GULP1: variants seen among roughly 807,000 people sequenced by gnomAD.
GULP1 encodes the protein GULP PTB domain containing engulfment adaptor 1.
In GULP1, 19 loss-of-function variants were observed where a neutral mutation model predicts 40.9. The ratio of observed to expected loss-of-function variants is 0.46; its 90% CI spans 0.32 to 0.68. The LOEUF (loss-of-function observed/expected upper bound fraction) is 0.68. Among genes scored for constraint, GULP1 ranks in the 30% least tolerant of loss-of-function variants. The pLI is 0.03. For missense variants in GULP1, 312 were observed against 362.2 expected (o/e 0.86, Z 1.12); for synonymous variants, 119 against 117.6 (o/e 1.01, Z -0.08).
chr2:188,420,643 C>G (rs1198518414), intron 2 of GULP1, among the ~76,000 whole-genome samples: 1 of 152,116 alleles, frequency 6.6e-6, no homozygotes, highest in Non-Finnish European at 1.5e-5. Flanking sequence ...CTCTTGACAG[C>G]AAGAGGGGAC....
intron 5 of GULP1, among the ~76,000 whole-genome samples, chr2:188,528,528 T>G (rs1359712479): frequency 6.6e-6 from 1 of 152,176 alleles, no homozygotes; most frequent in Non-Finnish European, 1.5e-5. Context: ...GCTTTCAAGA[T>G]ACTCACTATA....
rs10627846 is a variant in GULP1, at chr2:188,347,614, A to ATTTT, written c.-171-36135_-171-36132dup. ...TTCTAGTCAGTGACTATCTCAAAGCATTTTTTTTTTTTTTTTTGAGACAGG... is the reference window on the plus strand; with the variant it reads ...TTCTAGTCAGTGACTATCTCAAAGCATTTTTTTTTTTTTTTTTTTTTGAGACAGG... On this transcript the variant is annotated intron_variant, in intron 1 of 11. Coordinates refer to ENST00000409830, the MANE Select transcript of GULP1 (RefSeq NM_016315.4). Among the ~76,000 whole-genome samples the ATTTT allele has an allele frequency of 5.2e-4, 71 of 135,286 alleles. 1 individual carries two copies. The highest frequency in any genetic ancestry group is 6.2e-4 in the Non-Finnish European group (40 of 64,364). The allele number at this position is 135,286 out of a possible 152,430, so 88.8% of individuals were successfully genotyped here. A position where few individuals can be genotyped will look rare whatever the true frequency, so the allele number is the denominator to read the frequency against.
intron 2 of GULP1, among the ~76,000 whole-genome samples, chr2:188,402,839 G>T (rs1273047593): frequency 6.6e-6 from 1 of 151,944 alleles, no homozygotes. Flanking sequence ...ATATTACATT[G>T]TATATGTCAG....
intron 4 of GULP1, among the ~76,000 whole-genome samples, chr2:188,521,042 A>T (rs998705720): frequency 6.6e-6 from 1 of 152,052 alleles, no homozygotes; most frequent in Admixed American, 6.5e-5. Context: ...TTTTTGATGT[A>T]GTTTACAAAC....
chr2:188,567,779 A>G (rs1698105034), intron 7 of GULP1, among the ~76,000 whole-genome samples: 1 of 152,234 alleles, frequency 6.6e-6, no homozygotes, highest in Non-Finnish European at 1.5e-5. Flanking sequence ...TTTAAAAAGA[A>G]GAAGAAAAAC....
At chr2:188,346,697 A>G (rs1429244226) in intron 1 of GULP1, among the ~76,000 whole-genome samples, 4 of 152,002 alleles carry the variant, frequency 2.6e-5, no homozygotes, top group East Asian at 2.0e-4. Flanking sequence ...TTGATAAATC[A>G]TAGTATAAAA....
At chr2:188,505,687 G>A (rs2063837444) in intron 4 of GULP1, among the ~76,000 whole-genome samples, 1 of 151,804 alleles carries the variant, frequency 6.6e-6, no homozygotes, top group Non-Finnish European at 1.5e-5. Context: ...TCAGTGCACA[G>A]TCCTATTCAT....
chr2:188,411,942 C>T (rs781694217), intron 2 of GULP1, among the ~76,000 whole-genome samples: 5 of 152,164 alleles, frequency 3.3e-5, no homozygotes, highest in South Asian at 2.1e-4. Flanking sequence ...CATCTGTAAA[C>T]CAGGCCCTAG....
intron 1 of GULP1, among the ~76,000 whole-genome samples, chr2:188,346,017 G>A (rs1347299029): frequency 1.3e-5 from 2 of 152,166 alleles, no homozygotes; most frequent in African/African-American, 4.8e-5. Flanking sequence ...TTCCTGCTTT[G>A]AGCATATTCT....
At chr2:188,409,066 A>C (rs911304346) in intron 2 of GULP1, among the ~76,000 whole-genome samples, 3 of 152,090 alleles carry the variant, frequency 2.0e-5, no homozygotes, top group Non-Finnish European at 2.9e-5. Flanking sequence ...CTAAAATTAC[A>C]CCTTGATGAC....
At chr2:188,571,209 T>G (rs903406202) in intron 9 of GULP1, among the ~76,000 whole-genome samples, 2 of 151,988 alleles carry the variant, frequency 1.3e-5, no homozygotes, top group Admixed American at 1.3e-4. Flanking sequence ...AAAAAGAAAT[T>G]TGTTGCAAAA....
chr2:188,386,321 AC>A (rs1478202999), intron 2 of GULP1, among the ~76,000 whole-genome samples: 1 of 152,040 alleles, frequency 6.6e-6, no homozygotes, highest in Non-Finnish European at 1.5e-5. Flanking sequence ...CGTAGGAAAG[AC>A]CCACCTCCAT....
At chr2:188,556,450 T>C (rs557208061) in intron 7 of GULP1, among the ~76,000 whole-genome samples, 51 of 152,286 alleles carry the variant, frequency 3.3e-4, no homozygotes, top group African/African-American at 1.2e-3. Context: ...TTTGTTTTTC[T>C]GATTTCTTTT....
intron 7 of GULP1, among the ~76,000 whole-genome samples, chr2:188,565,178 A>G (rs773649487): frequency 1.3e-5 from 2 of 152,000 alleles, no homozygotes; most frequent in Non-Finnish European, 2.9e-5. Flanking sequence ...AGCACTACAC[A>G]TGAACAAAAA....
chr2:188,518,284 A>T (rs982623929), intron 4 of GULP1, among the ~76,000 whole-genome samples: 7 of 152,176 alleles, frequency 4.6e-5, no homozygotes, highest in African/African-American at 9.7e-5. Context: ...CGACAAGAAG[A>T]AAAAATGAAG....
chr2:188,531,494 C>T (rs927899708), intron 6 of GULP1, among the ~76,000 whole-genome samples: 2 of 152,140 alleles, frequency 1.3e-5, no homozygotes, highest in Non-Finnish European at 2.9e-5. Context: ...TTTAAGTCCT[C>T]TCAACAATTA....
At position 188,542,648 on chromosome 2, in the gene GULP1, A is replaced by G. The variant is rs539426860; in HGVS notation, c.399+1330A>G. Among the ~76,000 whole-genome samples the G allele has an allele frequency of 2.6e-5, 4 of 152,264 alleles. No individual in the cohort carries two copies. In the East Asian group the frequency reaches 5.8e-4, roughly 22 times the overall value. ...CATCAGAAAAAAGATGCTTAGCAAT[A>G]TAAGACAATATTTTGTGCACAATAA... On this transcript the variant is annotated intron_variant, in intron 7 of 11. Coordinates refer to ENST00000409830, the MANE Select transcript of GULP1 (RefSeq NM_016315.4).
At chr2:188,554,035 A>G (rs1339389603) in intron 7 of GULP1, among the ~76,000 whole-genome samples, 2 of 151,794 alleles carry the variant, frequency 1.3e-5, no homozygotes, top group African/African-American at 4.8e-5. Context: ...TTATTTAGAT[A>G]TTCTCTCTTC....
chr2:188,457,163 G>A (rs150772849), intron 2 of GULP1, among the ~76,000 whole-genome samples: 38 of 152,262 alleles, frequency 2.5e-4, no homozygotes, highest in African/African-American at 7.9e-4. Context: ...GGACTTTTGA[G>A]TTAATGCTGA....
Sources: gnomAD v4.1 joint callset for allele counts (sites outside exome capture counted in the v4.1 genomes callset) on GRCh38, gnomAD v4.1.1 for gene constraint, MANE v1.5 for transcripts, NCBI Gene and HGNC (gene_info 2026-07-23, HGNC 2026-07-21) for gene names.